XPNPEP1: variants seen among roughly 807,000 people sequenced by gnomAD.
XPNPEP1 encodes the protein X-prolyl aminopeptidase 1.
Under a neutral mutation model 92.4 loss-of-function variants are expected in XPNPEP1, and 39 were observed. The observed-to-expected ratio is 0.42, with a 90% CI of 0.33 to 0.55. The LOEUF is 0.55. Among genes scored for constraint, XPNPEP1 ranks in the 20% least tolerant of loss-of-function variants. The pLI, the probability that XPNPEP1 is intolerant of heterozygous loss-of-function variation, is 0.08. For missense variants in XPNPEP1, 654 were observed against 856.1 expected, an observed-to-expected ratio of 0.76 and a Z score of 2.95; for synonymous variants, 307 against 299.4, an observed-to-expected ratio of 1.03 and a Z score of -0.26.
chr10:109,864,915 T>C lies in XPNPEP1; in HGVS notation c.*269A>G, dbSNP rs1446896806. 4.5e-6 allele frequency: 2 copies of C among 443,296 alleles called. No individual in the cohort carries two copies. Among genetic ancestry groups the C allele is most frequent in the Non-Finnish European group, 8.2e-6 (2 of 244,246 alleles). 27.5% of individuals were successfully genotyped at this position (443,296 alleles called of 1,614,324 possible). A position where few individuals can be genotyped will look rare whatever the true frequency, so the allele number is the denominator to read the frequency against. ...GGCCAAAGAAGTCGGGGCATCTTCC[T>C]TTCACCAAGTGTTCAACTTTGGAGG... On this transcript the variant is annotated 3_prime_UTR_variant, in exon 21 of 21. Transcript: ENST00000502935.
intron 3 of XPNPEP1, among the ~76,000 whole-genome samples, chr10:109,898,146 T>C (rs1336479212): frequency 6.6e-6 from 1 of 152,204 alleles, no homozygotes; most frequent in African/African-American, 2.4e-5. Context: ...AACCAGCAGT[T>C]AGAACTCTGT....
chr10:109,914,106 G>C (rs1385591159), intron 2 of XPNPEP1, among the ~76,000 whole-genome samples: 1 of 151,302 alleles, frequency 6.6e-6, no homozygotes, highest in Non-Finnish European at 1.5e-5. Context: ...AAAACACATG[G>C]TTCTCCTTAG....
chr10:109,865,507 C>T (rs1160983537), intron 20 of XPNPEP1, among the ~76,000 whole-genome samples, 195 bp from the exon 21 acceptor site: 1 of 152,248 alleles, frequency 6.6e-6, no homozygotes, highest in African/African-American at 2.4e-5. Flanking sequence ...GACCAGACTT[C>T]ATGGCTTCTG....
At chr10:109,869,904 C>A (rs1847355639) in intron 19 of XPNPEP1, 49 bp downstream of exon 19, 2 of 1,584,160 alleles carry the variant, frequency 1.3e-6, no homozygotes, top group Non-Finnish European at 1.7e-6. Flanking sequence ...CTATCCGAGG[C>A]GTGATTATTG....
At chr10:109,865,781 G>C (rs1420276688) in intron 20 of XPNPEP1, among the ~76,000 whole-genome samples, 1 of 152,232 alleles carries the variant, frequency 6.6e-6, no homozygotes, top group Non-Finnish European at 1.5e-5. Context: ...GGTGTCTTTT[G>C]AGTGTAGCTG....
At chr10:109,879,507 T>C (rs1847971940) in intron 12 of XPNPEP1, among the ~76,000 whole-genome samples, 2 of 151,076 alleles carry the variant, frequency 1.3e-5, no homozygotes, top group East Asian at 1.9e-4. Flanking sequence ...GCAGCAGAGG[T>C]TGCAGTGAGC....
At chr10:109,898,924 G>T (rs1282047651) in intron 3 of XPNPEP1, among the ~76,000 whole-genome samples, 1 of 152,154 alleles carries the variant, frequency 6.6e-6, no homozygotes, top group African/African-American at 2.4e-5. Context: ...CCACATTAGC[G>T]TGACATCTTT....
chr10:109,889,010 C>T (rs1405456418), intron 5 of XPNPEP1, among the ~76,000 whole-genome samples: 3 of 152,210 alleles, frequency 2.0e-5, no homozygotes, highest in Non-Finnish European at 2.9e-5. Flanking sequence ...GAGACTCCCA[C>T]ATATCACATA....
Position 109,893,063 on chromosome 10 carries a change from C to CA in XPNPEP1, c.258dup (p.Ala87CysfsTer4). The CA allele has an allele frequency of 6.2e-7, 1 of 1,613,658 alleles. No individual in the cohort carries two copies. Among genetic ancestry groups the CA allele is most frequent in the Non-Finnish European group, 8.5e-7 (1 of 1,179,818 alleles). ...AAAGCCCGCCGACAGTCACATGGAG[C>CA]AATATACTCACTCTGGAAAACAAAG... On this transcript the variant is annotated frameshift_variant, in exon 4 of 21. Coordinates refer to ENST00000502935, the MANE Select transcript of XPNPEP1 (RefSeq NM_020383.4). LOFTEE classifies it high-confidence loss of function.
At position 109,907,702 on chromosome 10, in the gene XPNPEP1, C is replaced by G; in HGVS notation, c.235G>C (p.Asp79His). 1 of 1,614,238 alleles carries G rather than the reference C, an allele frequency of 6.2e-7. No homozygotes were observed. Among genetic ancestry groups the G allele is most frequent in the Non-Finnish European group, 8.5e-7 (1 of 1,180,042 alleles). Residue 79 changes from aspartate to histidine, a missense_variant, in exon 3 of 21, where the codon GAT becomes CAT. Transcript: ENST00000502935. ...TTGCCATGCAGTACCTGATGAGCAT[C>G]TCCCGATGGGATGATGTAGGCCTGG... is the stretch of plus-strand genomic sequence containing the variant. ...PIQAYIIPSG[D>H]AHQSEYIAPC...
At chr10:109,901,367 A>C (rs1396527224) in intron 3 of XPNPEP1, among the ~76,000 whole-genome samples, 2 of 152,178 alleles carry the variant, frequency 1.3e-5, no homozygotes, top group Admixed American at 1.3e-4. Flanking sequence ...TATGTTAACA[A>C]ACCTGCACGT....
At chr10:109,872,077 G>A (rs192070882) in intron 16 of XPNPEP1, among the ~76,000 whole-genome samples, 33 of 152,346 alleles carry the variant, frequency 2.2e-4, no homozygotes, top group Non-Finnish European at 8.8e-5. Context: ...AGCACTGTCA[G>A]AGAGATGACC....
chr10:109,904,969 T>C (rs1487463224), intron 3 of XPNPEP1, among the ~76,000 whole-genome samples: 4 of 152,034 alleles, frequency 2.6e-5, no homozygotes, highest in African/African-American at 9.7e-5. Context: ...CCCATGTTCA[T>C]TGCAACATTA....
At chr10:109,909,650 C>A (rs904043952) in intron 2 of XPNPEP1, among the ~76,000 whole-genome samples, 1 of 152,118 alleles carries the variant, frequency 6.6e-6, no homozygotes, top group African/African-American at 2.4e-5. Context: ...AGTCCTATGT[C>A]TACATAACAA....
At chr10:109,872,995 AG>A (rs1207747548) in intron 16 of XPNPEP1, among the ~76,000 whole-genome samples, 2 of 152,236 alleles carry the variant, frequency 1.3e-5, no homozygotes, top group African/African-American at 4.8e-5. Context: ...CCTGTAAATA[AG>A]AATCTCAAAA....
At chr10:109,886,158 A>G (rs995653059) in intron 8 of XPNPEP1, 88 bp downstream of exon 8, 1 of 1,351,564 alleles carries the variant, frequency 7.4e-7, no homozygotes. Context: ...GGCCACTCAG[A>G]AAGTTGAATG....
Position 109,893,004 on chromosome 10 carries a change from T to C in XPNPEP1, c.310+8A>G, listed in dbSNP as rs373587834. ...TGCAGCAAGAACAGAGAAAAAGTAG[T>C]GACTCACCCGCAGAGCCATCGAATC... On this transcript the variant is annotated splice_region_variant and intron_variant, in intron 4 of 20. Transcript: ENST00000502935. The C allele has an allele frequency of 3.9e-5, 63 of 1,613,058 alleles. No homozygotes were observed. Among genetic ancestry groups the C allele is most frequent in the Non-Finnish European group, 5.2e-5 (61 of 1,179,572 alleles).
chr10:109,923,266 G>A, intron 1 of XPNPEP1, 136 bp downstream of exon 1: 1 of 1,191,512 alleles, frequency 8.4e-7, no homozygotes, highest in African/African-American at 1.6e-5. Context: ...GGGCTCCGGC[G>A]AGCGCGGCCC....
At chr10:109,884,236 A>G in intron 8 of XPNPEP1, 88 bp from the exon 9 acceptor site, 2 of 1,274,686 alleles carry the variant, frequency 1.6e-6, no homozygotes, top group Non-Finnish European at 2.2e-6. Flanking sequence ...TTCAGCTTGG[A>G]GTCCAGCTGC....
Sources: allele counts gnomAD v4.1 joint callset (sites outside exome capture counted in the v4.1 genomes callset), GRCh38; gene constraint gnomAD v4.1.1; transcripts MANE v1.5; gene names NCBI Gene and HGNC (gene_info 2026-07-23, HGNC 2026-07-21).